The following CCDC66 variants were observed in gnomAD, a reference collection of about 807,000 sequenced individuals.
CCDC66 encodes coiled-coil domain-containing protein 66.
Under a neutral mutation model 128.3 loss-of-function variants are expected in CCDC66, and 133 were observed. The ratio of observed to expected loss-of-function variants is 1.04; its 90% confidence interval spans 0.90 to 1.20. The LOEUF (loss-of-function observed/expected upper bound fraction) is 1.20, where lower values mean the gene tolerates loss of function less well. Among genes scored for constraint, CCDC66 ranks in the 50% most tolerant of loss-of-function variants. CCDC66 has a pLI of 0.00. For synonymous variants in CCDC66, 387 were observed against 357.0 expected (o/e 1.08, Z -0.95); for missense variants, 1,126 against 1,075.5 (o/e 1.05, Z -0.66).
intron 10 of CCDC66, among the ~76,000 whole-genome samples, chr3:56,608,829 AT>A (rs1167749034): frequency 1.3e-5 from 2 of 152,166 alleles, no homozygotes; most frequent in Non-Finnish European, 2.9e-5. Context: ...AGTTCAAAGA[AT>A]TTTTAAATTT....
intron 15 of CCDC66, 169 bp from the exon 16 acceptor site, chr3:56,619,102 C>T: frequency 1.8e-6 from 1 of 560,812 alleles, no homozygotes; most frequent in Non-Finnish European, 3.0e-6. Context: ...CCTGTAATCC[C>T]AGCTACTTGG....
At chr3:56,585,364 T>C (rs1023232163) in intron 7 of CCDC66, among the ~76,000 whole-genome samples, 1 of 151,634 alleles carries the variant, frequency 6.6e-6, no homozygotes, top group Non-Finnish European at 1.5e-5. Context: ...AAGAAATTGC[T>C]GTGGGAACAC....
intron 7 of CCDC66, among the ~76,000 whole-genome samples, chr3:56,578,005 T>G (rs1160814285): frequency 6.6e-6 from 1 of 151,906 alleles, no homozygotes; most frequent in Non-Finnish European, 1.5e-5. Context: ...TACATTACTT[T>G]GGGCAGTATG....
At chr3:56,604,299 G>A (rs1283553355) in intron 10 of CCDC66, among the ~76,000 whole-genome samples, 1 of 151,970 alleles carries the variant, frequency 6.6e-6, no homozygotes, top group African/African-American at 2.4e-5. Context: ...ATTGTTATGT[G>A]TGAATTTGAT....
intron 10 of CCDC66, among the ~76,000 whole-genome samples, chr3:56,595,064 C>T (rs1389191573): frequency 6.6e-6 from 1 of 152,094 alleles, no homozygotes; most frequent in Non-Finnish European, 1.5e-5. Flanking sequence ...TTTCAGTATG[C>T]TGATAAAAAC....
rs2076049326 is a variant in CCDC66 at position 56,619,502 on chromosome 3, G to A, written c.2610G>A (p.Gln870=). 3.1e-6 allele frequency: 5 copies of A among 1,611,342 alleles called. No individual in the cohort carries two copies. In the African/African-American group the frequency reaches 5.3e-5, roughly 17 times the overall value. The part of the protein sequence containing the change: ...PDAPLSGPST[Q]DPQYQNSQDC... ...CACCATTGTCTGGGCCTTCAACCCA[G>A]GACCCTCAGTACCAAAATTCACAAG... Residue 870 remains glutamine (Q), a synonymous_variant, in exon 16 of 18, where the codon CAG becomes CAA. Coordinates refer to ENST00000394672, the MANE Select transcript of CCDC66 (RefSeq NM_001141947.3).
At chr3:56,602,974 A>G (rs1185974505) in intron 10 of CCDC66, among the ~76,000 whole-genome samples, 2 of 150,896 alleles carry the variant, frequency 1.3e-5, no homozygotes, top group African/African-American at 2.5e-5. Context: ...AGCTGGGACT[A>G]CAGGCGCCCA....
intron 3 of CCDC66, 77 bp from the exon 4 acceptor site, chr3:56,563,607 T>A (rs2065418919): frequency 1.7e-6 from 2 of 1,202,608 alleles, no homozygotes; most frequent in Admixed American, 2.8e-5. Context: ...GAGGACTGAT[T>A]TATCACAGAT....
rs754517222 is a variant in CCDC66, at chr3:56,563,855, A to C, written c.274A>C (p.Thr92Pro). 14 of 1,589,710 alleles carry C rather than the reference A, an allele frequency of 8.8e-6. No individual in the cohort carries two copies. In the Admixed American group the frequency reaches 2.5e-4, roughly 28 times the overall value. The change falls in exon 4 of 18, where the codon ACT becomes CCT. Residue 92 changes from threonine (T) to proline (P), a missense_variant. Physicochemically the swap from Thr to Pro is conservative, Grantham distance 38 (BLOSUM62 -1). Coordinates refer to ENST00000394672, the MANE Select transcript of CCDC66 (RefSeq NM_001141947.3). ...GEKNGMTFSS[T>P]KDLCKQCIDK... ...AAAAAATGGAATGACTTTTTCATCC[A>C]CTAAGGATTTATGTAAACAATGTAT...
intron 15 of CCDC66, chr3:56,618,891 T>C (rs2075929891): frequency 5.6e-6 from 1 of 179,152 alleles, no homozygotes; most frequent in South Asian, 1.4e-4. Flanking sequence ...CTTCTATGCA[T>C]ACATTCCCAA....
intron 7 of CCDC66, among the ~76,000 whole-genome samples, chr3:56,592,448 C>T (rs965191948): frequency 5.3e-5 from 8 of 152,284 alleles, no homozygotes; most frequent in African/African-American, 1.9e-4. Flanking sequence ...ACAACCTCCA[C>T]CTCCCGGGTT....
chr3:56,577,847 C>G (rs1284201412), intron 7 of CCDC66, among the ~76,000 whole-genome samples: 1 of 151,642 alleles, frequency 6.6e-6, no homozygotes, highest in Non-Finnish European at 1.5e-5. Flanking sequence ...TGAAGTGAGA[C>G]AGCATGATGC....
intron 10 of CCDC66, among the ~76,000 whole-genome samples, chr3:56,611,239 T>A (rs1360394927): frequency 6.6e-6 from 1 of 151,990 alleles, no homozygotes; most frequent in Non-Finnish European, 1.5e-5. Flanking sequence ...GGGTGGGTCT[T>A]GCTGTGGCTG....
intron 3 of CCDC66, among the ~76,000 whole-genome samples, chr3:56,560,065 A>G (rs552733396): frequency 5.3e-5 from 8 of 152,344 alleles, no homozygotes; most frequent in African/African-American, 1.9e-4. Context: ...TTCATACTCA[A>G]ATTCCATTTG....
intron 10 of CCDC66, among the ~76,000 whole-genome samples, chr3:56,609,990 C>T (rs9867688): frequency 0.013 from 2,025 of 152,264 alleles, 39 homozygotes; most frequent in African/African-American, 0.045. Context: ...GTGCTTCTGT[C>T]TCACAGCTCT....
rs761166978 is a variant in CCDC66, at chr3:56,619,881, G to A, written c.2740G>A (p.Gly914Arg). 1 of 1,613,878 alleles carries A rather than the reference G, an allele frequency of 6.2e-7. No individual in the cohort carries two copies. Among genetic ancestry groups the A allele is most frequent in the South Asian group, 1.1e-5 (1 of 91,038 alleles). ...GGATCGACAGCAAGCAATCCTTAAG[G>A]GACTTTCAGAACTGAGACAGGTATG... ...NRDRQQAILK[G>R]LSELRQGLLQ... The change falls in exon 17 of 18, where the codon GGA (glycine) becomes AGA (arginine). Residue 914 changes from glycine to arginine, a missense_variant. Transcript: ENST00000394672.
intron 1 of CCDC66, 158 bp from the exon 2 acceptor site, chr3:56,558,688 T>A: frequency 3.0e-6 from 2 of 664,374 alleles, no homozygotes; most frequent in East Asian, 5.6e-5. Context: ...TATCTTGGAT[T>A]GCAAACGTTT....
intron 10 of CCDC66, among the ~76,000 whole-genome samples, chr3:56,605,884 C>G (rs1285219553): frequency 6.6e-6 from 1 of 152,070 alleles, no homozygotes; most frequent in African/African-American, 2.4e-5. Context: ...CACCCCTTCC[C>G]CCTGGTGCTC....
intron 10 of CCDC66, among the ~76,000 whole-genome samples, chr3:56,603,062 C>G (rs990180288): frequency 1.3e-5 from 2 of 151,872 alleles, no homozygotes; most frequent in Non-Finnish European, 2.9e-5. Context: ...GTCTCAATCT[C>G]CCAACCTCGT....
Sources: allele counts gnomAD v4.1 joint callset (sites outside exome capture counted in the v4.1 genomes callset), GRCh38; gene constraint gnomAD v4.1.1; transcripts MANE v1.5; gene names NCBI Gene and HGNC (gene_info 2026-07-23, HGNC 2026-07-21).